CAPN3: variants seen among roughly 807,000 people sequenced by gnomAD.
CAPN3 encodes the protein calpain 3.
In CAPN3, 88 loss-of-function variants were observed where a neutral mutation model predicts 114.0. The observed-to-expected ratio is 0.77, with a 90% confidence interval of 0.65 to 0.92. The LOEUF (loss-of-function observed/expected upper bound fraction) is 0.92, where lower values mean the gene tolerates loss of function less well. Ranked by LOEUF, CAPN3 falls within the 40% of genes least tolerant of loss-of-function variation. The pLI, the probability that CAPN3 is intolerant of heterozygous loss-of-function variation, is 0.00. For missense variants in CAPN3, 1,028 were observed against 1,069.0 expected, an observed-to-expected ratio of 0.96 and a Z score of 0.53; for synonymous variants, 386 against 382.9, an observed-to-expected ratio of 1.01 and a Z score of -0.09.
rs768374736 is a variant in CAPN3, at chr15:42,409,845, G to C, written c.2050+1G>C. ...GTCCTTAACACAGTCGTGAACAAAC[G>C]TGAGTTGCTCAAACCAAATGGGGGT... On this transcript the variant is annotated splice_donor_variant, in intron 18 of 23. Transcript: ENST00000397163. LOFTEE classifies it high-confidence loss of function. 9.2e-6 allele frequency: 13 copies of C among 1,410,698 alleles called. No individual in the cohort carries two copies. Among genetic ancestry groups the C allele is most frequent in the Non-Finnish European group, 1.3e-5 (13 of 1,026,366 alleles). The allele number at this position is 1,410,698 out of a possible 1,614,324, so 87.4% of individuals were successfully genotyped here.
intron 14 of CAPN3, 197 bp downstream of exon 14, chr15:42,403,974 T>C (rs759892272): frequency 3.1e-5 from 21 of 671,588 alleles, no homozygotes; most frequent in Admixed American, 8.2e-5. Context: ...CCGGGGGCCA[T>C]TGAGGCAGTT....
chr15:42,390,187 C>A lies in CAPN3; in HGVS notation c.945+91C>A, dbSNP rs546291253. The A allele has an allele frequency of 2.1e-6, 3 of 1,438,060 alleles. No individual in the cohort carries two copies. The East Asian group carries it at 6.8e-5, about 33-fold the overall frequency. The allele number at this position is 1,438,060 out of a possible 1,614,324, so 89.1% of individuals were successfully genotyped here. A position where few individuals can be genotyped will look rare whatever the true frequency, so the allele number is the denominator to read the frequency against. ...GTCAGACTCCCCTCAGCAGCCAGGG[C>A]CTTACCCACACACCCCCACCTGGCA... On this transcript the variant is annotated intron_variant, in intron 6 of 23. Coordinates refer to ENST00000397163, the MANE Select transcript of CAPN3 (RefSeq NM_000070.3).
In CAPN3 at chr15:42,402,372, C is replaced by T. The variant is rs2053897081; in HGVS notation, c.1536+237C>T. The T allele has an allele frequency of 3.4e-6, 5 of 1,459,938 alleles. No homozygotes were observed. In the South Asian group the frequency reaches 5.7e-5, roughly 17 times the overall value. The allele number at this position is 1,459,938 out of a possible 1,614,324, so 90.4% of individuals were successfully genotyped here. ...CGCACCAGACACTGCACGTCACACACATGCCTTTGCACACTCACCCTCCTC... is the reference window on the plus strand; with the variant it reads ...CGCACCAGACACTGCACGTCACACATATGCCTTTGCACACTCACCCTCCTC... On this transcript the variant is annotated intron_variant, in intron 12 of 23. Transcript: ENST00000397163.
chr15:42,412,206 G>C lies in CAPN3; in HGVS notation c.*433G>C. ...AACCAGCACTGGGTTCTACTGCTGT[G>C]GGGTAAACTAACTCAGTGGAATAGG... is the stretch of plus-strand genomic sequence containing the variant. On this transcript the variant is annotated 3_prime_UTR_variant, in exon 24 of 24. Coordinates refer to ENST00000397163, the MANE Select transcript of CAPN3 (RefSeq NM_000070.3). 1 of 1,535,042 alleles carries C rather than the reference G, an allele frequency of 6.5e-7. No homozygotes were observed. Among genetic ancestry groups the C allele is most frequent in the Non-Finnish European group, 8.7e-7 (1 of 1,146,060 alleles).
At chr15:42,404,829 A>G in intron 14 of CAPN3, 1 of 1,072,376 alleles carries the variant, frequency 9.3e-7, no homozygotes, top group African/African-American at 1.6e-5. Context: ...CTTCTGAATG[A>G]CCACAGGCGA....
chr15:42,370,580 G>C (rs755638445), intron 1 of CAPN3, among the ~76,000 whole-genome samples: 6 of 152,138 alleles, frequency 3.9e-5, no homozygotes, highest in Non-Finnish European at 8.8e-5. Flanking sequence ...AGAGAAGTGA[G>C]GTCACTGTCC....
At chr15:42,396,710 A>G in intron 8 of CAPN3, 90 bp from the exon 9 acceptor site, 1 of 1,013,844 alleles carries the variant, frequency 9.9e-7, no homozygotes, top group Non-Finnish European at 1.6e-6. Flanking sequence ...AGCAGCTGCA[A>G]CTCTTTGTAT....
In CAPN3 at chr15:42,389,079, A is replaced by G. The variant is rs565901676; in HGVS notation, c.784A>G (p.Met262Val). Residue 262 changes from methionine to valine, a missense_variant, in exon 5 of 24, where the codon ATG becomes GTG. By Grantham distance (21) the Met-to-Val change is conservative (BLOSUM62 1). Coordinates refer to ENST00000397163, the MANE Select transcript of CAPN3 (RefSeq NM_000070.3). ...GAAAGCCATCGAGAGAGGCTCCCTC[A>G]TGGGCTGCTCCATTGATGTAAGTCT... ...MKKAIERGSL[M>V]GCSIDDGTNM... 5 of 1,614,098 alleles carry G rather than the reference A, an allele frequency of 3.1e-6. No homozygotes were observed. The highest frequency in any genetic ancestry group is 2.2e-5 in the East Asian group (1 of 44,874).
chr15:42,391,432 G>A (rs28364433), intron 6 of CAPN3, among the ~76,000 whole-genome samples: 3,110 of 152,060 alleles, frequency 0.02, 37 homozygotes, highest in Non-Finnish European at 0.031. Context: ...TGAGTCTCCC[G>A]CCCCCTCCCA....
chr15:42,402,388 C>T (rs915389816), intron 12 of CAPN3: 2 of 1,446,952 alleles, frequency 1.4e-6, no homozygotes, highest in Non-Finnish European at 1.8e-6. Flanking sequence ...TTTGCACACT[C>T]ACCCTCCTCC....
At chr15:42,365,724 A>T (rs953623455) in intron 1 of CAPN3, among the ~76,000 whole-genome samples, 2 of 152,144 alleles carry the variant, frequency 1.3e-5, no homozygotes, top group East Asian at 3.9e-4. Flanking sequence ...GCCAGGTATT[A>T]CTATCATACC....
chr15:42,380,144 G>A (rs1375006039), intron 1 of CAPN3, among the ~76,000 whole-genome samples: 1 of 152,038 alleles, frequency 6.6e-6, no homozygotes, highest in East Asian at 1.9e-4. Flanking sequence ...ACATATAGTC[G>A]AGTCTTGTTT....
At position 42,410,693 on chromosome 15, in the gene CAPN3, A is replaced by G. The variant is rs893190143; in HGVS notation, c.2263+27A>G. The stretch of plus-strand genomic sequence containing the variant: ...TGCTGAGAAGGAAGGGGTGGCAGGG[A>G]TGTGGACCCGAGACGGTGGGAGCAG... On this transcript the variant is annotated intron_variant, in intron 21 of 23. Transcript: ENST00000397163. The G allele has an allele frequency of 3.8e-6, 6 of 1,592,728 alleles. No individual in the cohort carries two copies. The African/African-American group carries it at 6.7e-5, about 18-fold the overall frequency.
chr15:42,400,245 G>C (rs1049310133), intron 10 of CAPN3, among the ~76,000 whole-genome samples: 1 of 152,144 alleles, frequency 6.6e-6, no homozygotes, highest in African/African-American at 2.4e-5. Context: ...AACAGTAAGG[G>C]CACTATTGGA....
chr15:42,375,949 C>G (rs2053079137), intron 1 of CAPN3, among the ~76,000 whole-genome samples: 1 of 152,164 alleles, frequency 6.6e-6, no homozygotes, highest in South Asian at 2.1e-4. Context: ...GACAGTATCT[C>G]TGCCTTCTCT....
At chr15:42,406,400 G>C (rs2054022876) in intron 15 of CAPN3, among the ~76,000 whole-genome samples, 1 of 152,092 alleles carries the variant, frequency 6.6e-6, no homozygotes, top group East Asian at 1.9e-4. Context: ...GGTGGTGATG[G>C]ATCCATCACA....
intron 6 of CAPN3, 26 bp from the exon 7 acceptor site, chr15:42,392,613 T>G: frequency 6.3e-7 from 1 of 1,585,978 alleles, no homozygotes. Context: ...CCGCCCCTAA[T>G]GGGTTCTCTG....
At chr15:42,390,785 T>G (rs1034451008) in intron 6 of CAPN3, among the ~76,000 whole-genome samples, 5 of 149,402 alleles carry the variant, frequency 3.3e-5, no homozygotes, top group African/African-American at 1.0e-4. Context: ...TTTTTTTGTT[T>G]TTTTGTTTTT....
At chr15:42,382,791 GT>G (rs1338181273) in intron 1 of CAPN3, among the ~76,000 whole-genome samples, 2 of 152,158 alleles carry the variant, frequency 1.3e-5, no homozygotes, top group East Asian at 3.8e-4. Flanking sequence ...CAGCCAAAAT[GT>G]TACATTTTAA....
Sources: gnomAD v4.1 joint callset for allele counts (sites outside exome capture counted in the v4.1 genomes callset) on GRCh38, gnomAD v4.1.1 for gene constraint, MANE v1.5 for transcripts, NCBI Gene and HGNC (gene_info 2026-07-23, HGNC 2026-07-21) for gene names.